Variants in CYP11B2 observed in about 807,000 individuals in gnomAD.
The protein encoded by CYP11B2 is cytochrome P450 11B2, mitochondrial.
A neutral mutation model predicts 49.3 loss-of-function variants in CYP11B2; 38 were observed. The observed-to-expected ratio is 0.77, with a 90% CI of 0.59 to 1.01. CYP11B2 has a LOEUF of 1.01. Ranked by LOEUF, CYP11B2 falls within the 50% of genes least tolerant of loss-of-function variation. The pLI, the probability that CYP11B2 is intolerant of heterozygous loss-of-function variation, is 0.00. For missense variants in CYP11B2, 669 were observed against 655.5 expected (o/e 1.02, Z -0.23); for synonymous variants, 290 against 269.3 (o/e 1.08, Z -0.75).
In CYP11B2 at chr8:142,917,793, CA is replaced by C; in HGVS notation, c.47del (p.Leu16ArgfsTer35). ...CCAGTGCCCGTGCCCTTTGCAGGGA[CA>C]GCCAGGGCGCTGCCACGCACACCTC... Reference protein sequence around the residue: ...KAEVCVAAPWLSLQRARALGT... With the variant: ...KAEVCVAAPWXSLQRARALGT... On this transcript the variant is annotated frameshift_variant, in exon 1 of 9. Coordinates refer to ENST00000323110, the MANE Select transcript of CYP11B2 (RefSeq NM_000498.3). LOFTEE classifies it high-confidence loss of function. The C allele has an allele frequency of 6.2e-7, 1 of 1,614,182 alleles. No individual in the cohort carries two copies. Among genetic ancestry groups the C allele is most frequent in the South Asian group, 1.1e-5 (1 of 91,088 alleles).
chr8:142,911,728 A>G lies in CYP11B2; in HGVS notation c.*252T>C. 1.9e-6 allele frequency: 1 copy of G among 539,786 alleles called. No homozygotes were observed. Among genetic ancestry groups the G allele is most frequent in the South Asian group, 2.0e-5 (1 of 49,244 alleles). 33.4% of individuals were successfully genotyped at this position (539,786 alleles called of 1,614,324 possible). A position where few individuals can be genotyped will look rare whatever the true frequency, so the allele number is the denominator to read the frequency against. ...TCCAGAGGGCACTGCTTGCTGGAGA[A>G]GGGGCCAGGTGGAGCTGGGGACAAG... is the stretch of plus-strand genomic sequence containing the variant. On this transcript the variant is annotated 3_prime_UTR_variant, in exon 9 of 9. Transcript: ENST00000323110.
chr8:142,915,273 G>A, intron 2 of CYP11B2, 28 bp from the exon 3 acceptor site: 3 of 1,573,588 alleles, frequency 1.9e-6, no homozygotes, highest in Non-Finnish European at 2.6e-6. Context: ...GAGCTTGTGA[G>A]GCCGCCCCAG....
chr8:142,912,501 G>GGGCCC, intron 8 of CYP11B2, 29 bp downstream of exon 8: 1 of 1,583,990 alleles, frequency 6.3e-7, no homozygotes, highest in Non-Finnish European at 8.7e-7. Flanking sequence ...TGCTGCCCAG[G>GGGCCC]TCCCGCCCCC....
At position 142,912,588 on chromosome 8, in the gene CYP11B2, A is replaced by T. The variant is rs1260956963; in HGVS notation, c.1340T>A (p.Met447Lys). The T allele has an allele frequency of 6.2e-7, 1 of 1,613,890 alleles. No homozygotes were observed. Among genetic ancestry groups the T allele is most frequent in the African/African-American group, 1.3e-5 (1 of 74,846 alleles). Reference protein sequence around the residue: ...NFHHVPFGFGMRQCLGRRLAE... With the variant: ...NFHHVPFGFGKRQCLGRRLAE... ...CAGGCGCCGCCCGAGGCACTGGCGC[A>T]TGCCAAAGCCAAAGGGCACGTGGTG... The change falls in exon 8 of 9, where the codon ATG (methionine) becomes AAG (lysine). Residue 447 changes from methionine (M) to lysine (K), a missense_variant. Met to Lys is a moderately conservative substitution (Grantham distance 95). Coordinates refer to ENST00000323110, the MANE Select transcript of CYP11B2 (RefSeq NM_000498.3).
intron 1 of CYP11B2, 123 bp from the exon 2 acceptor site, chr8:142,917,337 T>G: frequency 7.1e-7 from 1 of 1,412,658 alleles, no homozygotes; most frequent in Admixed American, 1.7e-5. Flanking sequence ...GCTTCACAGC[T>G]AAAGCCCTCC....
Position 142,915,655 on chromosome 8 carries a change from C to T in CYP11B2, c.396-410G>A, listed in dbSNP as rs1191104975. Among the ~76,000 whole-genome samples, 4 of 130,790 alleles carry T rather than the reference C, an allele frequency of 3.1e-5. 1 individual carries two copies. The highest frequency in any genetic ancestry group is 7.4e-5 in the Non-Finnish European group (4 of 53,980). 85.8% of individuals were successfully genotyped at this position (130,790 alleles called of 152,430 possible). A position where few individuals can be genotyped will look rare whatever the true frequency, so the allele number is the denominator to read the frequency against. The stretch of plus-strand genomic sequence containing the variant: ...ACACAGTGTCCTGAGGGGAGAGCCC[C>T]TGGCTGCCCTCTCCTCCCCACCCTT... On this transcript the variant is annotated intron_variant, in intron 2 of 8. Coordinates refer to ENST00000323110, the MANE Select transcript of CYP11B2 (RefSeq NM_000498.3).
At chr8:142,913,218 A>G (rs1817572558) in intron 6 of CYP11B2, 67 bp downstream of exon 6, 1 of 1,546,716 alleles carries the variant, frequency 6.5e-7, no homozygotes, top group East Asian at 2.3e-5. Context: ...TCTGTCTGCC[A>G]CCACCCAGTG....
chr8:142,915,925 A>G (rs1022620285), intron 2 of CYP11B2, among the ~76,000 whole-genome samples: 2 of 152,158 alleles, frequency 1.3e-5, no homozygotes, highest in South Asian at 4.1e-4. Flanking sequence ...GACAGTGATG[A>G]CAGGCAGAAG....
At position 142,912,625 on chromosome 8, in the gene CYP11B2, C is replaced by T. The variant is rs4545; in HGVS notation, c.1303G>A (p.Gly435Ser). The change falls in exon 8 of 9, where the codon GGC (glycine) becomes AGC (serine). Residue 435 changes from glycine (G) to serine (S), a missense_variant. Transcript: ENST00000323110. ...AAGGGCACGTGGTGGAAGTTCCTGC[C>T]GGAGCCCCTGATGTCTAGCCAGCGC... ...PQRWLDIRGS[G>S]RNFHHVPFGF... 0.046 allele frequency: 74,445 copies of T among 1,614,188 alleles called. 8,072 individuals are homozygous for T. In the East Asian group the frequency reaches 0.5, roughly 11 times the overall value.
chr8:142,913,100 G>A lies in CYP11B2; in HGVS notation c.1121+185C>T, dbSNP rs1435059701. 3.3e-5 allele frequency among the ~76,000 whole-genome samples: 5 copies of A among 151,460 alleles called. No individual in the cohort carries two copies. The South Asian group carries it at 1.1e-3, about 32-fold the overall frequency. ...GACATGCCCCACGTTAATCCCCAGGGTGTTGAAGAGGGATTCCAGAGGAAG... is the reference window on the plus strand; with the variant it reads ...GACATGCCCCACGTTAATCCCCAGGATGTTGAAGAGGGATTCCAGAGGAAG... On this transcript the variant is annotated intron_variant, in intron 6 of 8. Transcript: ENST00000323110.
chr8:142,917,169 C>T lies in CYP11B2; in HGVS notation c.285G>A (p.Glu95=). The T allele has an allele frequency of 6.2e-7, 1 of 1,614,216 alleles. No individual in the cohort carries two copies. Among genetic ancestry groups the T allele is most frequent in the Non-Finnish European group, 8.5e-7 (1 of 1,180,044 alleles). The stretch of plus-strand genomic sequence containing the variant: ...CCACCTGTTGCAGCTTCTCCACATC[C>T]TCCGGCAGCATCACACACACCATGC... The part of the protein sequence containing the change: ...GPRMVCVMLP[E]DVEKLQQVDS... Residue 95 remains glutamate (E), a synonymous_variant, in exon 2 of 9, where the codon GAG becomes GAA. Coordinates refer to ENST00000323110, the MANE Select transcript of CYP11B2 (RefSeq NM_000498.3).
chr8:142,914,004 C>T (rs1299107013), intron 5 of CYP11B2: 11 of 611,734 alleles, frequency 1.8e-5, no homozygotes, highest in South Asian at 1.5e-4. Context: ...TCCAGGGCCT[C>T]ATCCAACTTT....
rs6441 is a variant in CYP11B2, at chr8:142,917,752, C to T, written c.89G>A (p.Arg30Gln). 8.0e-4 allele frequency: 1,285 copies of T among 1,614,204 alleles called. 8 individuals carry two copies. The African/African-American group carries it at 0.013, about 16-fold the overall frequency. ...RARALGTRAA[R>Q]APRTVLPFEA... Reference sequence around the variant, plus strand: ...AAACGGCAGCACCGTCCTAGGGGCCCGAGCGGCTCTAGTGCCCAGTGCCCG... The same window carrying T: ...AAACGGCAGCACCGTCCTAGGGGCCTGAGCGGCTCTAGTGCCCAGTGCCCG... Residue 30 changes from arginine (R) to glutamine (Q), a missense_variant, in exon 1 of 9, where the codon CGG becomes CAG. Coordinates refer to ENST00000323110, the MANE Select transcript of CYP11B2 (RefSeq NM_000498.3).
In CYP11B2 at chr8:142,911,116, A is replaced by G. The variant is rs1439867752; in HGVS notation, c.*864T>C. 6.6e-6 allele frequency: 1 copy of G among 152,150 alleles called. No individual in the cohort carries two copies. The highest frequency in any genetic ancestry group is 1.5e-5 in the Non-Finnish European group (1 of 68,038). The allele number at this position is 152,150 out of a possible 1,614,324, so 9.4% of individuals were successfully genotyped here. A position where few individuals can be genotyped will look rare whatever the true frequency, so the allele number is the denominator to read the frequency against. Reference sequence around the variant, plus strand: ...TCCGTATCAACCAGAGGAATGAGTCAATAAAACTCATCTGAGTCCTTGTTG... The same window carrying G: ...TCCGTATCAACCAGAGGAATGAGTCGATAAAACTCATCTGAGTCCTTGTTG... On this transcript the variant is annotated 3_prime_UTR_variant, in exon 9 of 9. Coordinates refer to ENST00000323110, the MANE Select transcript of CYP11B2 (RefSeq NM_000498.3).
chr8:142,913,087 G>A (rs1300181011), intron 6 of CYP11B2, among the ~76,000 whole-genome samples, 198 bp downstream of exon 6: 1 of 151,214 alleles, frequency 6.6e-6, no homozygotes, highest in Non-Finnish European at 1.5e-5. Flanking sequence ...CATGCCCCAC[G>A]TTAATCCCCA....
At position 142,917,612 on chromosome 8, in the gene CYP11B2, GC is replaced by G; in HGVS notation, c.228del (p.Ile78PhefsTer14). ...LEMHQTFQEL[G>X]PIFRYNLGGP... Reference sequence around the variant, plus strand: ...CAGGGAGGGCTTTACCTGAAAATGGGCCCCAGCTCCTGGAAGGTCTGGTGCA... The same window carrying G: ...CAGGGAGGGCTTTACCTGAAAATGGGCCCAGCTCCTGGAAGGTCTGGTGCA... On this transcript the variant is annotated frameshift_variant, in exon 1 of 9. Transcript: ENST00000323110. LOFTEE classifies it high-confidence loss of function. 1 of 1,614,224 alleles carries G rather than the reference GC, an allele frequency of 6.2e-7. No individual in the cohort carries two copies. Among genetic ancestry groups the G allele is most frequent in the Non-Finnish European group, 8.5e-7 (1 of 1,180,042 alleles).
chr8:142,913,568 CAG>C, intron 5 of CYP11B2, 117 bp from the exon 6 acceptor site: 2 of 434,662 alleles, frequency 4.6e-6, no homozygotes, highest in Non-Finnish European at 3.8e-6. Context: ...TGAGCAAAAA[CAG>C]AGCCCTGGGA....
Position 142,917,070 on chromosome 8 carries a change from G to T in CYP11B2, c.384C>A (p.Gly128=), listed in dbSNP as rs147927980. ...AYRQHRGHKC[G]VFLLNGPEWR... is the part of the protein sequence containing the mutation. Reference sequence around the variant, plus strand: ...AACTCGCCGCTTACAACAAGAACACGCCACATTTGTGCCCACGATGTTGTC... The same window carrying T: ...AACTCGCCGCTTACAACAAGAACACTCCACATTTGTGCCCACGATGTTGTC... Residue 128 remains glycine (G), a synonymous_variant, in exon 2 of 9, where the codon GGC becomes GGA. Transcript: ENST00000323110. 2.5e-6 allele frequency: 4 copies of T among 1,613,992 alleles called. No homozygotes were observed. Among genetic ancestry groups the T allele is most frequent in the Non-Finnish European group, 3.4e-6 (4 of 1,180,034 alleles).
In CYP11B2 at chr8:142,917,687, G is replaced by A; in HGVS notation, c.154C>T (p.Leu52=). The part of the protein sequence containing the change: ...PQHPGNRWLR[L]LQIWREQGYE... ...CCCTGCTCCCTCCAGATCTGCAGCAGCCTCAGCCACCTGTTGCCTGGATGC... is the reference window on the plus strand; with the variant it reads ...CCCTGCTCCCTCCAGATCTGCAGCAACCTCAGCCACCTGTTGCCTGGATGC... The change falls in exon 1 of 9, where the codon CTG becomes TTG. Residue 52 remains leucine, a synonymous_variant. Transcript: ENST00000323110. 6.2e-7 allele frequency: 1 copy of A among 1,614,260 alleles called. No individual in the cohort carries two copies. The highest frequency in any genetic ancestry group is 8.5e-7 in the Non-Finnish European group (1 of 1,180,044).
Sources: gnomAD v4.1 joint callset for allele counts (sites outside exome capture counted in the v4.1 genomes callset) on GRCh38, gnomAD v4.1.1 for gene constraint, MANE v1.5 for transcripts, NCBI Gene and HGNC (gene_info 2026-07-23, HGNC 2026-07-21) for gene names.